The following USP20 variants were observed in gnomAD, a reference collection of about 807,000 sequenced individuals.
USP20 encodes ubiquitin carboxyl-terminal hydrolase 20.
In USP20, 80 loss-of-function variants were observed where a neutral mutation model predicts 124.2. That is an observed-to-expected ratio of 0.64 (90% confidence interval 0.54 to 0.78). The LOEUF (loss-of-function observed/expected upper bound fraction) is 0.78. Ranked by LOEUF, USP20 falls within the 30% of genes least tolerant of loss-of-function variation. The pLI is 0.00. For synonymous variants in USP20, 481 were observed against 512.3 expected (o/e 0.94, Z 0.83); for missense variants, 1,043 against 1,244.4 (o/e 0.84, Z 2.44).
At chr9:129,837,512 A>G (rs11793657) in intron 1 of USP20, among the ~76,000 whole-genome samples, 28,543 of 152,130 alleles carry the variant, frequency 0.19, 3,196 homozygotes, top group South Asian at 0.26. Flanking sequence ...TATTGGATCA[A>G]TGTATTCAAC....
Position 129,875,425 on chromosome 9 carries a change from A to G in USP20, c.2164A>G (p.Thr722Ala). The G allele has an allele frequency of 6.2e-7, 1 of 1,613,570 alleles. No homozygotes were observed. The highest frequency in any genetic ancestry group is 8.5e-7 in the Non-Finnish European group (1 of 1,179,900). Reference protein sequence around the residue: ...VSREWLNKFNTFAEPGPITNQ... With the variant: ...VSREWLNKFNAFAEPGPITNQ... ...CCGCGAGTGGCTCAACAAGTTCAAC[A>G]CCTTCGCGGAGCCAGGCCCCATCAC... The change falls in exon 20 of 26, where the codon ACC (threonine) becomes GCC (alanine). Residue 722 changes from threonine (T) to alanine (A), a missense_variant. Transcript: ENST00000372429.
Position 129,845,993 on chromosome 9 carries a change from C to T in USP20, c.-128-3820C>T, listed in dbSNP as rs7868326. Among the ~76,000 whole-genome samples, 695 of 151,682 alleles carry T rather than the reference C, an allele frequency of 4.6e-3. 2 individuals are homozygous for T. Among genetic ancestry groups the T allele is most frequent in the African/African-American group, 0.016 (656 of 41,370 alleles). ...AGGCTGGAGCGCAGTGGTGCGATCT[C>T]GGCTCACTGCAAGCTCAGCCTCCTG... On this transcript the variant is annotated intron_variant, in intron 1 of 25. Coordinates refer to ENST00000372429, the MANE Select transcript of USP20 (RefSeq NM_001110303.4).
chr9:129,857,274 G>A (rs1206277000), intron 4 of USP20, among the ~76,000 whole-genome samples: 1 of 152,168 alleles, frequency 6.6e-6, no homozygotes, highest in Non-Finnish European at 1.5e-5. Flanking sequence ...TGCAGGACGT[G>A]GTCCTACCTC....
intron 2 of USP20, among the ~76,000 whole-genome samples, chr9:129,850,291 A>C (rs2032837240): frequency 6.6e-6 from 1 of 152,036 alleles, no homozygotes; most frequent in African/African-American, 2.4e-5. Flanking sequence ...ATTTTCTATA[A>C]GTTAGAAAGC....
intron 6 of USP20, among the ~76,000 whole-genome samples, chr9:129,858,980 C>T (rs2131063255): frequency 6.6e-6 from 1 of 152,254 alleles, no homozygotes; most frequent in South Asian, 2.1e-4. Flanking sequence ...CATCCCAGAT[C>T]TGAAACCATT....
In USP20 at chr9:129,873,080, C is replaced by CTTCTT. The variant is rs1463874554; in HGVS notation, c.1661-400_1661-399insCTTTT. 4.2e-4 allele frequency among the ~76,000 whole-genome samples: 33 copies of CTTCTT among 78,358 alleles called. No homozygotes were observed. The South Asian group carries it at 0.011, about 27-fold the overall frequency. The allele number at this position is 78,358 out of a possible 152,430, so 51.4% of individuals were successfully genotyped here. A position where few individuals can be genotyped will look rare whatever the true frequency, so the allele number is the denominator to read the frequency against. On this transcript the variant is annotated intron_variant, in intron 15 of 25. Transcript: ENST00000372429. ...TTTATTTCTTTTTCTTTTTCTTCTT[C>CTTCTT]TTTTTTTTTTTTTTTTTTTGAGATG... is the stretch of plus-strand genomic sequence containing the variant.
At chr9:129,838,901 G>A (rs2032030770) in intron 1 of USP20, among the ~76,000 whole-genome samples, 1 of 152,198 alleles carries the variant, frequency 6.6e-6, no homozygotes, top group South Asian at 2.1e-4. Flanking sequence ...TCAGAGCAAA[G>A]GGTAGTAGCA....
At chr9:129,868,744 G>T in intron 11 of USP20, 118 bp from the exon 12 acceptor site, 1 of 1,461,670 alleles carries the variant, frequency 6.8e-7, no homozygotes, top group Non-Finnish European at 9.1e-7. Flanking sequence ...CATGACAGAG[G>T]AGACACATTA....
At chr9:129,871,299 G>T (rs2034113789) in intron 15 of USP20, among the ~76,000 whole-genome samples, 1 of 150,484 alleles carries the variant, frequency 6.6e-6, no homozygotes, top group Non-Finnish European at 1.5e-5. Flanking sequence ...GGCTTTTACT[G>T]AGCATAACGT....
intron 1 of USP20, among the ~76,000 whole-genome samples, chr9:129,846,178 C>T (rs991218375): frequency 3.3e-5 from 5 of 149,820 alleles, no homozygotes; most frequent in African/African-American, 7.4e-5. Flanking sequence ...GTCCTCCCGC[C>T]TCGGCCTCCC....
At chr9:129,865,170 C>T in intron 9 of USP20, 133 bp from the exon 10 acceptor site, 1 of 847,228 alleles carries the variant, frequency 1.2e-6, no homozygotes, top group Non-Finnish European at 1.9e-6. Context: ...GGGCTCCTGG[C>T]TGAGTAGGCC....
intron 21 of USP20, 149 bp downstream of exon 21, chr9:129,875,790 C>T (rs760814678): frequency 1.4e-6 from 1 of 733,638 alleles, no homozygotes; most frequent in Non-Finnish European, 2.2e-6. Flanking sequence ...TCACTTGTCT[C>T]ATGGAGAATG....
chr9:129,840,569 C>G (rs1220282253), intron 1 of USP20, among the ~76,000 whole-genome samples: 1 of 152,144 alleles, frequency 6.6e-6, no homozygotes. Context: ...TACCCCTCAC[C>G]TAGATTCACG....
intron 14 of USP20, chr9:129,870,217 T>C: frequency 1.7e-6 from 1 of 578,318 alleles, no homozygotes; most frequent in Non-Finnish European, 3.1e-6. Flanking sequence ...GGTAGCATGA[T>C]CATGGCCGCA....
rs1249512104 is a variant in USP20, at chr9:129,879,075, G to C, written c.2513-498G>C. ...TCGGGGAAGGTGCCAGGGCCACCGTGAGGCCTCTCTGGTGGTGGCTGAGGC... is the reference window on the plus strand; with the variant it reads ...TCGGGGAAGGTGCCAGGGCCACCGTCAGGCCTCTCTGGTGGTGGCTGAGGC... On this transcript the variant is annotated intron_variant, in intron 23 of 25. Coordinates refer to ENST00000372429, the MANE Select transcript of USP20 (RefSeq NM_001110303.4). This position sits in a 1 kb window ranked among gnomAD's most constrained non-coding sequence, Gnocchi z 4.2. Among the ~76,000 whole-genome samples the C allele has an allele frequency of 1.3e-5, 2 of 151,482 alleles. No individual in the cohort carries two copies. Among genetic ancestry groups the C allele is most frequent in the Admixed American group, 1.3e-4 (2 of 15,294 alleles).
intron 9 of USP20, among the ~76,000 whole-genome samples, chr9:129,864,287 A>C (rs1188689496): frequency 2.7e-5 from 4 of 149,856 alleles, no homozygotes; most frequent in Admixed American, 1.3e-4. Flanking sequence ...TGGACAACAC[A>C]GCAAGACCCC....
At position 129,873,730 on chromosome 9, in the gene USP20, C is replaced by T. The variant is rs758614870; in HGVS notation, c.1726C>T (p.Leu576=). The change falls in exon 17 of 26, where the codon CTG becomes TTG. Residue 576 remains leucine, a synonymous_variant. Transcript: ENST00000372429. ...GAACGGAGTGAAGTACTGCAAAGTC[C>T]TGCGGTTGCCCGAGGTGAGCCAGTG... ...LRNGVKYCKV[L]RLPEILCIHL... is the part of the protein sequence containing the mutation. 2.9e-5 allele frequency: 46 copies of T among 1,612,758 alleles called. No homozygotes were observed. The highest frequency in any genetic ancestry group is 3.6e-5 in the Non-Finnish European group (43 of 1,180,022).
intron 1 of USP20, among the ~76,000 whole-genome samples, chr9:129,842,428 C>A (rs7019709): frequency 2.0e-5 from 3 of 151,970 alleles, no homozygotes; most frequent in Non-Finnish European, 2.9e-5. Flanking sequence ...AGAGCAGGGC[C>A]TATGCCTGGC....
chr9:129,848,702 G>C (rs1052385805), intron 1 of USP20, among the ~76,000 whole-genome samples: 9 of 150,730 alleles, frequency 6.0e-5, no homozygotes, highest in Non-Finnish European at 1.3e-4. Context: ...TCCCTCCCCA[G>C]CCACCCGACT....
Sources: gnomAD v4.1 joint callset for allele counts (sites outside exome capture counted in the v4.1 genomes callset) on GRCh38, gnomAD v4.1.1 for gene constraint, Gnocchi (gnomAD v3.1) non-coding constraint, MANE v1.5 for transcripts, NCBI Gene and HGNC (gene_info 2026-07-23, HGNC 2026-07-21) for gene names.